The following ELP4 variants were observed in gnomAD, a reference collection of about 807,000 sequenced individuals.
ELP4 encodes the protein elongator acetyltransferase complex subunit 4.
Under a neutral mutation model 48.9 loss-of-function variants are expected in ELP4, and 51 were observed. The observed-to-expected ratio is 1.04, with a 90% CI of 0.83 to 1.32. The LOEUF (loss-of-function observed/expected upper bound fraction) is 1.32. ELP4 is among the 40% of genes most tolerant of loss of function. The probability of loss-of-function intolerance (pLI) is 0.00; values close to 1 mark genes in which losing one functional copy is unlikely to be tolerated. For missense variants in ELP4, 519 were observed against 514.6 expected (o/e 1.01, Z -0.08); for synonymous variants, 210 against 189.2 (o/e 1.11, Z -0.90).
intron 9 of ELP4, among the ~76,000 whole-genome samples, chr11:31,693,809 C>T (rs1946335936): frequency 1.3e-5 from 2 of 152,224 alleles, no homozygotes; most frequent in Admixed American, 6.5e-5. Context: ...TTCTCCACAT[C>T]TTCTCCAGCA....
chr11:31,681,267 G>A (rs73462977), intron 9 of ELP4, among the ~76,000 whole-genome samples: 5,906 of 152,206 alleles, frequency 0.039, 310 homozygotes, highest in African/African-American at 0.098. Flanking sequence ...TTGGTTCTGC[G>A]TTGTGAATGG....
At chr11:31,565,347 T>A (rs1220406421) in intron 3 of ELP4, among the ~76,000 whole-genome samples, 3 of 151,844 alleles carry the variant, frequency 2.0e-5, no homozygotes, top group Non-Finnish European at 4.4e-5. Flanking sequence ...GATGGCAGTT[T>A]CTTTTGCTGT....
chr11:31,771,563 G>T (rs567946695), intron 9 of ELP4, among the ~76,000 whole-genome samples: 61 of 152,314 alleles, frequency 4.0e-4, no homozygotes, highest in African/African-American at 1.4e-3. Context: ...GACTGCTCCA[G>T]AAAAGCTGAC....
Position 31,788,116 on chromosome 11 carries a change from T to A in ELP4, c.*4592T>A, listed in dbSNP as rs991489118. 8.9e-6 allele frequency: 2 copies of A among 224,278 alleles called. No individual in the cohort carries two copies. The highest frequency in any genetic ancestry group is 2.2e-5 in the African/African-American group (1 of 44,862). 13.9% of individuals were successfully genotyped at this position (224,278 alleles called of 1,614,324 possible). ...CCCAACAAAGGCTTATTTTTTTCCA[T>A]CCTTTGCTTGGGCTCAAGCACTCCT... On this transcript the variant is annotated 3_prime_UTR_variant, in exon 10 of 10. Coordinates refer to ENST00000640961, the MANE Select transcript of ELP4 (RefSeq NM_019040.5).
intron 9 of ELP4, among the ~76,000 whole-genome samples, chr11:31,751,194 A>G (rs1031744920): frequency 1.3e-5 from 2 of 152,250 alleles, no homozygotes; most frequent in Admixed American, 6.5e-5. Flanking sequence ...ACTGGTAGAA[A>G]TTGGCCTTGG....
chr11:31,704,978 G>T (rs937330437), intron 9 of ELP4, among the ~76,000 whole-genome samples: 2 of 149,112 alleles, frequency 1.3e-5, no homozygotes, highest in East Asian at 3.9e-4. Context: ...GCCACTGCAC[G>T]CCAACCTGGG....
chr11:31,707,534 A>T (rs575756178), intron 9 of ELP4: 1 of 152,132 alleles, frequency 6.6e-6, no homozygotes, highest in Admixed American at 6.6e-5. Flanking sequence ...GAATTCATCA[A>T]TTCTACTTGA....
chr11:31,636,353 T>C (rs1482169518), intron 7 of ELP4, among the ~76,000 whole-genome samples: 1 of 151,974 alleles, frequency 6.6e-6, no homozygotes. Context: ...ATAATAAAAT[T>C]GTGATATCTT....
intron 2 of ELP4, among the ~76,000 whole-genome samples, chr11:31,534,613 C>G (rs1956469140): frequency 6.6e-6 from 1 of 151,964 alleles, no homozygotes; most frequent in Non-Finnish European, 1.5e-5. Flanking sequence ...ATACCAAATC[C>G]AGTAATCACT....
rs754033835 is a variant in ELP4 at position 31,650,188 on chromosome 11, T to C, written c.1110T>C (p.Ala370=). The stretch of plus-strand genomic sequence containing the variant: ...ATGAATCAGATGTCAAAGACTTAGC[T>C]TTTAAATTAAAAAGGAAGCTATTCA... The part of the protein sequence containing the change: ...ICDESDVKDL[A]FKLKRKLFTI... Residue 370 remains alanine (A), a synonymous_variant, in exon 9 of 10, where the codon GCT becomes GCC. Transcript: ENST00000640961. 8 of 1,495,544 alleles carry C rather than the reference T, an allele frequency of 5.3e-6. No individual in the cohort carries two copies. In the South Asian group the frequency reaches 9.7e-5, roughly 18 times the overall value. 92.6% of individuals were successfully genotyped at this position (1,495,544 alleles called of 1,614,324 possible).
intron 3 of ELP4, among the ~76,000 whole-genome samples, chr11:31,552,670 C>T (rs1956871883): frequency 6.6e-6 from 1 of 152,128 alleles, no homozygotes; most frequent in Non-Finnish European, 1.5e-5. Context: ...TGCTTGGCCT[C>T]CCTGTTTCTA....
chr11:31,614,088 AT>A (rs375495263), intron 5 of ELP4, among the ~76,000 whole-genome samples: 16 of 152,258 alleles, frequency 1.1e-4, no homozygotes, highest in Non-Finnish European at 2.1e-4. Flanking sequence ...AAAATAGTAA[AT>A]TCTTACCTTA....
intron 4 of ELP4, among the ~76,000 whole-genome samples, chr11:31,603,265 C>T (rs537019458): frequency 2.0e-5 from 3 of 151,762 alleles, no homozygotes; most frequent in Non-Finnish European, 3.0e-5. Flanking sequence ...TTAATATACA[C>T]GTATATTGTC....
At position 31,603,775 on chromosome 11, in the gene ELP4, C is replaced by G. The variant is rs1957823432; in HGVS notation, c.521C>G (p.Pro174Arg). 6.2e-7 allele frequency: 1 copy of G among 1,609,242 alleles called. No homozygotes were observed. Among genetic ancestry groups the G allele is most frequent in the Non-Finnish European group, 8.5e-7 (1 of 1,177,120 alleles). ...TGGGGTTTATTTTAGCAGATTGGAC[C>G]AGTATCATCTTCAAGATTTGGTCAC... ...YQLLPKMEIG[P>R]VSSSRFGHYY... Residue 174 changes from proline (P) to arginine (R), a missense_variant, in exon 5 of 10, where the codon CCA (proline) becomes CGA (arginine). Physicochemically the swap from Pro to Arg is moderately radical, Grantham distance 103. Transcript: ENST00000640961.
At chr11:31,719,102 T>C (rs1291674790) in intron 9 of ELP4, among the ~76,000 whole-genome samples, 2 of 151,874 alleles carry the variant, frequency 1.3e-5, no homozygotes, top group Admixed American at 6.6e-5. Context: ...CTACGCATAA[T>C]TTAAAAATTA....
intron 2 of ELP4, among the ~76,000 whole-genome samples, chr11:31,522,563 T>G (rs1414039028): frequency 6.6e-6 from 1 of 152,222 alleles, no homozygotes; most frequent in Non-Finnish European, 1.5e-5. Flanking sequence ...AAAATTTAAA[T>G]TAATTCCATC....
chr11:31,724,738 C>T (rs1472086909), intron 9 of ELP4, among the ~76,000 whole-genome samples: 1 of 152,224 alleles, frequency 6.6e-6, no homozygotes, highest in Non-Finnish European at 1.5e-5. Flanking sequence ...AGGAAACATA[C>T]ACATTAAACA....
intron 7 of ELP4, among the ~76,000 whole-genome samples, chr11:31,640,524 A>G (rs934064023): frequency 2.0e-5 from 3 of 151,888 alleles, no homozygotes; most frequent in South Asian, 2.1e-4. Flanking sequence ...TATTAATTAC[A>G]TTATTATTGC....
chr11:31,572,598 G>C (rs565449754), intron 3 of ELP4, among the ~76,000 whole-genome samples: 56 of 152,220 alleles, frequency 3.7e-4, no homozygotes, highest in Non-Finnish European at 3.8e-4. Context: ...TAGAGAGATT[G>C]TCTATCTATC....
Sources: gnomAD v4.1 joint callset for allele counts (sites outside exome capture counted in the v4.1 genomes callset) on GRCh38, gnomAD v4.1.1 for gene constraint, MANE v1.5 for transcripts, NCBI Gene and HGNC (gene_info 2026-07-23, HGNC 2026-07-21) for gene names.